The following FYCO1 variants were observed in gnomAD, a reference collection of about 807,000 sequenced individuals.
FYCO1 encodes the protein FYVE and coiled-coil domain-containing protein 1.
Under a neutral mutation model 165.1 loss-of-function variants are expected in FYCO1, and 122 were observed. The ratio of observed to expected loss-of-function variants is 0.74; its 90% CI spans 0.64 to 0.86. The LOEUF is 0.86. Among genes scored for constraint, FYCO1 ranks in the 40% least tolerant of loss-of-function variants. The pLI is 0.00. For synonymous variants in FYCO1, 648 were observed against 742.5 expected (o/e 0.87, Z 2.07); for missense variants, 1,702 against 1,810.3 (o/e 0.94, Z 1.09).
At chr3:45,928,072 T>C (rs888622562) in intron 16 of FYCO1, among the ~76,000 whole-genome samples, 1 of 152,216 alleles carries the variant, frequency 6.6e-6, no homozygotes, top group Admixed American at 6.5e-5. Context: ...CAAAATAGAT[T>C]AGTGGTCACT....
intron 6 of FYCO1, among the ~76,000 whole-genome samples, chr3:45,971,775 A>G (rs1158543166): frequency 6.6e-6 from 1 of 152,258 alleles, no homozygotes; most frequent in East Asian, 1.9e-4. Context: ...ATGAATTAAC[A>G]ATTAATATGT....
intron 14 of FYCO1, chr3:45,938,141 C>T: frequency 9.2e-7 from 1 of 1,082,614 alleles, no homozygotes; most frequent in Non-Finnish European, 1.2e-6. Flanking sequence ...AATTTCCTCT[C>T]TTCCTCCATC....
intron 1 of FYCO1, among the ~76,000 whole-genome samples, chr3:45,992,916 C>T (rs544072000): frequency 2.6e-5 from 4 of 151,758 alleles, no homozygotes; most frequent in African/African-American, 9.6e-5. Flanking sequence ...GCCTTGCCCC[C>T]TGCATGCTAA....
At chr3:45,943,770 T>A (rs1425802877) in intron 14 of FYCO1, among the ~76,000 whole-genome samples, 1 of 152,206 alleles carries the variant, frequency 6.6e-6, no homozygotes, top group Non-Finnish European at 1.5e-5. Context: ...CAGTTAGTGC[T>A]TGCAGGCTGA....
At chr3:45,975,817 T>G (rs1399660656) in intron 4 of FYCO1, among the ~76,000 whole-genome samples, 1 of 152,182 alleles carries the variant, frequency 6.6e-6, no homozygotes, top group African/African-American at 2.4e-5. Flanking sequence ...TAATGATGGT[T>G]TGTTTTTAAG....
In FYCO1 at chr3:45,918,048, G is replaced by A. The variant is rs1161447047; in HGVS notation, c.*3717C>T. 1 of 152,626 alleles carries A rather than the reference G, an allele frequency of 6.6e-6. No individual in the cohort carries two copies. Among genetic ancestry groups the A allele is most frequent in the Admixed American group, 6.5e-5 (1 of 15,288 alleles). 9.5% of individuals were successfully genotyped at this position (152,626 alleles called of 1,614,324 possible). The stretch of plus-strand genomic sequence containing the variant: ...AGCAGGTGGGGTGCTGGTATTTGAT[G>A]TGCTTCTAGATAATTCTTTGGCAGA... On this transcript the variant is annotated 3_prime_UTR_variant, in exon 18 of 18. Coordinates refer to ENST00000296137, the MANE Select transcript of FYCO1 (RefSeq NM_024513.4).
intron 14 of FYCO1, chr3:45,947,581 G>A (rs775528325): frequency 8.1e-6 from 10 of 1,237,946 alleles, no homozygotes; most frequent in Non-Finnish European, 1.0e-5. Flanking sequence ...ATGTGGTGAG[G>A]CAGGCTTTGT....
rs1294936088 is a variant in FYCO1, at chr3:45,979,733, C to T, written c.260G>A (p.Gly87Glu). The change falls in exon 4 of 18, where the codon GGG (glycine) becomes GAG (glutamate). Residue 87 changes from glycine (G) to glutamate (E), a missense_variant. By Grantham distance (98) the Gly-to-Glu change is moderately conservative. Coordinates refer to ENST00000296137, the MANE Select transcript of FYCO1 (RefSeq NM_024513.4). ...CLAKVKGAND[G>E]IRFVKSISEL... ...TGAGATAGACTTGACAAAGCGGATC[C>T]CATCATTGGCTCCTTTCACCTTGGC... 10 of 1,614,064 alleles carry T rather than the reference C, an allele frequency of 6.2e-6. No homozygotes were observed. Among genetic ancestry groups the T allele is most frequent in the Admixed American group, 3.3e-5 (2 of 60,026 alleles).
rs1705780557 is a variant in FYCO1, at chr3:45,962,799, G to T, written c.3270-407C>A. Among the ~76,000 whole-genome samples the T allele has an allele frequency of 6.6e-6, 1 of 152,118 alleles. No homozygotes were observed. Among genetic ancestry groups the T allele is most frequent in the Non-Finnish European group, 1.5e-5 (1 of 68,030 alleles). On this transcript the variant is annotated intron_variant, in intron 10 of 17. Transcript: ENST00000296137. This position sits in a 1 kb window ranked among gnomAD's most constrained non-coding sequence, Gnocchi z 4.4. ...TTCCTGGAGGTGGCCACACAGAGGA[G>T]GGCCTGTCTTCCACACGTCCTTGGG...
At position 45,962,437 on chromosome 3, in the gene FYCO1, G is replaced by A; in HGVS notation, c.3270-45C>T. The A allele has an allele frequency of 6.4e-7, 1 of 1,571,874 alleles. No individual in the cohort carries two copies. The highest frequency in any genetic ancestry group is 2.2e-5 in the East Asian group (1 of 44,680). ...TTTTCTTGATTAGCCAGGACTTCCAGCTTTCCCAGGGCTCTAAGCTCACCC... is the reference window on the plus strand; with the variant it reads ...TTTTCTTGATTAGCCAGGACTTCCAACTTTCCCAGGGCTCTAAGCTCACCC... On this transcript the variant is annotated intron_variant, in intron 10 of 17. Coordinates refer to ENST00000296137, the MANE Select transcript of FYCO1 (RefSeq NM_024513.4). This position sits in a 1 kb window ranked among gnomAD's most constrained non-coding sequence, Gnocchi z 4.4.
At chr3:45,949,047 T>A (rs1179638975) in intron 14 of FYCO1, among the ~76,000 whole-genome samples, 2 of 152,134 alleles carry the variant, frequency 1.3e-5, no homozygotes, top group African/African-American at 4.8e-5. Context: ...GTCAGCTCCG[T>A]GGGTTAGCGA....
intron 14 of FYCO1, among the ~76,000 whole-genome samples, chr3:45,951,090 G>T (rs1225698127): frequency 1.3e-5 from 2 of 152,186 alleles, no homozygotes. Context: ...GGTCATCTGG[G>T]TATCTGAAGG....
intron 1 of FYCO1, among the ~76,000 whole-genome samples, chr3:45,990,427 T>C (rs1707507531): frequency 6.6e-6 from 1 of 152,158 alleles, no homozygotes; most frequent in Non-Finnish European, 1.5e-5. Flanking sequence ...AGTGCTTTGA[T>C]AAGAACAAGT....
At position 45,928,150 on chromosome 3, in the gene FYCO1, C is replaced by G. The variant is rs1187192078; in HGVS notation, c.4251+2921G>C. On this transcript the variant is annotated intron_variant, in intron 16 of 17. Coordinates refer to ENST00000296137, the MANE Select transcript of FYCO1 (RefSeq NM_024513.4). Reference sequence around the variant, plus strand: ...TCTTTTTTGGAGTGATGGAAAGAATCTAAAATTAGACAGTGGTAATGGTGG... The same window carrying G: ...TCTTTTTTGGAGTGATGGAAAGAATGTAAAATTAGACAGTGGTAATGGTGG... Among the ~76,000 whole-genome samples the G allele has an allele frequency of 5.3e-5, 8 of 152,118 alleles. No individual in the cohort carries two copies. The East Asian group carries it at 1.5e-3, about 29-fold the overall frequency.
At chr3:45,984,575 T>C (rs2125874057) in intron 2 of FYCO1, 3 of 567,248 alleles carry the variant, frequency 5.3e-6, no homozygotes, top group East Asian at 6.3e-5. Flanking sequence ...AAAACACACA[T>C]GTGTGCACTA....
rs377705486 is a variant in FYCO1, at chr3:45,921,856, T to C, written c.4362-16A>G. ...AGAGACAAACCTGAGGAAACAGAAA[T>C]GGAAAGGGAGGGTGTTACCTGAGAG... On this transcript the variant is annotated splice_polypyrimidine_tract_variant and intron_variant, in intron 17 of 17. Transcript: ENST00000296137. 1.1e-5 allele frequency: 17 copies of C among 1,568,928 alleles called. No individual in the cohort carries two copies. In the African/African-American group the frequency reaches 1.8e-4, roughly 16 times the overall value.
rs1181512057 is a variant in FYCO1 at position 45,993,365 on chromosome 3, TG to T, written c.-113+2356del. ...ATGGGGCCCATTTGCTCCAAGGCAA[TG>T]GCTCTTATTATGGGGGTAGTACAGA... On this transcript the variant is annotated intron_variant, in intron 1 of 17. Transcript: ENST00000296137. The surrounding 1 kb of genome is among the most constrained non-coding windows in gnomAD (Gnocchi z 4.4). Among the ~76,000 whole-genome samples the T allele has an allele frequency of 6.6e-6, 1 of 152,232 alleles. No individual in the cohort carries two copies. The highest frequency in any genetic ancestry group is 1.5e-5 in the Non-Finnish European group (1 of 68,038).
intron 3 of FYCO1, among the ~76,000 whole-genome samples, chr3:45,980,931 T>C (rs1707016104): frequency 6.6e-6 from 1 of 152,242 alleles, no homozygotes; most frequent in South Asian, 2.1e-4. Flanking sequence ...TGCAGTGTTT[T>C]TTACATCAGC....
At chr3:45,977,111 G>T (rs1181094933) in intron 4 of FYCO1, among the ~76,000 whole-genome samples, 1 of 152,048 alleles carries the variant, frequency 6.6e-6, no homozygotes, top group Non-Finnish European at 1.5e-5. Flanking sequence ...GGAAATTCAG[G>T]CCGTTGGAAA....
Sources: allele counts gnomAD v4.1 joint callset (sites outside exome capture counted in the v4.1 genomes callset), GRCh38; gene constraint gnomAD v4.1.1; non-coding constraint Gnocchi (gnomAD v3.1); transcripts MANE v1.5; gene names NCBI Gene and HGNC (gene_info 2026-07-23, HGNC 2026-07-21).